The following MYBPC3 variants were observed in gnomAD, a reference collection of about 807,000 sequenced individuals.
MYBPC3 encodes myosin binding protein C3, also known as myosin-binding protein C, cardiac-type.
In MYBPC3, 108 loss-of-function variants were observed where a neutral mutation model predicts 159.3. The ratio of observed to expected loss-of-function variants is 0.68; its 90% CI spans 0.58 to 0.80. The LOEUF (loss-of-function observed/expected upper bound fraction) is 0.80, where lower values mean the gene tolerates loss of function less well. Ranked by LOEUF, MYBPC3 falls within the 30% of genes least tolerant of loss-of-function variation. The pLI, the probability that MYBPC3 is intolerant of heterozygous loss-of-function variation, is 0.00. For synonymous variants in MYBPC3, 730 were observed against 702.0 expected (o/e 1.04, Z -0.63); for missense variants, 1,631 against 1,762.1 (o/e 0.93, Z 1.33).
At chr11:47,348,926 A>ATATATATATATATT (rs1189066410) in intron 5 of MYBPC3, among the ~76,000 whole-genome samples, 2 of 131,314 alleles carry the variant, frequency 1.5e-5, no homozygotes, top group African/African-American at 5.5e-5. Flanking sequence ...ATATATATAT[A>ATATATATATATATT]TTTAAAGGAG....
rs748794011 is a variant in MYBPC3, at chr11:47,333,200, C to G, written c.3324G>C (p.Lys1108Asn). 1 of 1,602,414 alleles carries G rather than the reference C, an allele frequency of 6.2e-7. No individual in the cohort carries two copies. The highest frequency in any genetic ancestry group is 1.1e-5 in the South Asian group (1 of 88,602). The change falls in exon 30 of 35, where the codon AAG (lysine) becomes AAC (asparagine). Residue 1108 changes from lysine to asparagine, a missense_variant. By Grantham distance (94) the Lys-to-Asn change is moderately conservative. Transcript: ENST00000545968. ...WGYTVQKADK[K>N]TMEWFTVLEH... ...CCCCAGACCCTGGGCTCACCATGGTCTTCTTGTCGGCTTTCTGCACTGTGT... is the reference window on the plus strand; with the variant it reads ...CCCCAGACCCTGGGCTCACCATGGTGTTCTTGTCGGCTTTCTGCACTGTGT...
Position 47,333,910 on chromosome 11 carries a change from G to A in MYBPC3, c.2994+12C>T, listed in dbSNP as rs778129735. 1 of 1,564,870 alleles carries A rather than the reference G, an allele frequency of 6.4e-7. No homozygotes were observed. Among genetic ancestry groups the A allele is most frequent in the South Asian group, 1.2e-5 (1 of 85,078 alleles). ...CTCTCCCCTGGGGGACAGGGAAGGG[G>A]GCCAGTCCCACCTGGAAAGGGATGA... On this transcript the variant is annotated intron_variant, in intron 28 of 34. Transcript: ENST00000545968.
chr11:47,345,948 C>CTT (rs2095893624), intron 12 of MYBPC3, among the ~76,000 whole-genome samples: 1 of 152,120 alleles, frequency 6.6e-6, no homozygotes. Context: ...TTGCTCTTCT[C>CTT]TTCTATCTCT....
At chr11:47,340,932 G>T in intron 20 of MYBPC3, 71 bp downstream of exon 20, 19 of 1,430,428 alleles carry the variant, frequency 1.3e-5, no homozygotes, top group Non-Finnish European at 1.8e-5. Context: ...CTCTGTGAGT[G>T]GAGGGGAGGC....
intron 6 of MYBPC3, 91 bp from the exon 7 acceptor site, chr11:47,347,996 A>G: frequency 8.0e-7 from 1 of 1,251,384 alleles, no homozygotes. Flanking sequence ...GAGTATTCAC[A>G]GACTTGCCCA....
rs371312567 is a variant in MYBPC3, at chr11:47,350,117, G to A, written c.407-5C>T. 2.8e-5 allele frequency: 44 copies of A among 1,552,054 alleles called. No homozygotes were observed. In the African/African-American group the frequency reaches 3.8e-4, roughly 14 times the overall value. ...TGAGAGCTGCTGAGCTTGACCCTGT[G>A]AGCAAAGGCTTTTTCTGTTTGTTTG... On this transcript the variant is annotated splice_polypyrimidine_tract_variant and splice_region_variant and intron_variant, in intron 3 of 34. Transcript: ENST00000545968.
Position 47,331,703 on chromosome 11 carries a change from G to T in MYBPC3, c.*40C>A. The stretch of plus-strand genomic sequence containing the variant: ...CCTCCAGGCTCCTGGCACGGGGCTG[G>T]CATCCGGTTGTACCTGCAACACAGG... On this transcript the variant is annotated 3_prime_UTR_variant, in exon 35 of 35. Transcript: ENST00000545968. 2 of 872,402 alleles carry T rather than the reference G, an allele frequency of 2.3e-6. No individual in the cohort carries two copies. Among genetic ancestry groups the T allele is most frequent in the Non-Finnish European group, 3.4e-6 (2 of 585,876 alleles). The allele number at this position is 872,402 out of a possible 1,614,324, so 54.0% of individuals were successfully genotyped here.
chr11:47,351,531 C>T lies in MYBPC3; in HGVS notation c.26-26G>A, dbSNP rs777081710. ...CTGAAGGGCCAGGTGGAGGCTACAG[C>T]GGCCCCTGGTTGGAGCGTGCACCCC... is the stretch of plus-strand genomic sequence containing the variant. On this transcript the variant is annotated intron_variant, in intron 1 of 34. Coordinates refer to ENST00000545968, the MANE Select transcript of MYBPC3 (RefSeq NM_000256.3). The surrounding 1 kb of genome is among the most constrained non-coding windows in gnomAD (Gnocchi z 4.2). The T allele has an allele frequency of 1.1e-5, 17 of 1,556,930 alleles. No homozygotes were observed. Among genetic ancestry groups the T allele is most frequent in the South Asian group, 6.0e-5 (5 of 83,356 alleles).
At position 47,333,038 on chromosome 11, in the gene MYBPC3, C is replaced by T. The variant is rs1373480601; in HGVS notation, c.3331-65G>A. On this transcript the variant is annotated intron_variant, in intron 30 of 34. Coordinates refer to ENST00000545968, the MANE Select transcript of MYBPC3 (RefSeq NM_000256.3). The stretch of plus-strand genomic sequence containing the variant: ...CCCTTCCTGATGCCGAGAGCCTCTC[C>T]TGGGTGCCCTTGGCATCTCCACCCC... The T allele has an allele frequency of 1.9e-6, 3 of 1,554,122 alleles. No homozygotes were observed. In the African/African-American group the frequency reaches 4.1e-5, roughly 21 times the overall value.
chr11:47,343,538 C>T lies in MYBPC3; in HGVS notation c.1177G>A (p.Glu393Lys). 6.2e-7 allele frequency: 1 copy of T among 1,610,494 alleles called. No homozygotes were observed. Among genetic ancestry groups the T allele is most frequent in the South Asian group, 1.1e-5 (1 of 90,194 alleles). ...TGGCCATTCTTGAGCCATTTGACCT[C>T]AGCGTCATGGTCAGCCAGTTCCACG... ...LTVELADHDAEVKWLKNGQEI... is the reference protein window; with the variant it reads ...LTVELADHDAKVKWLKNGQEI... The change falls in exon 13 of 35, where the codon GAG (glutamate) becomes AAG (lysine). Residue 393 changes from glutamate to lysine, a missense_variant. Coordinates refer to ENST00000545968, the MANE Select transcript of MYBPC3 (RefSeq NM_000256.3).
rs727504656 is a variant in MYBPC3 at position 47,332,058 on chromosome 11, C to T, written c.3814+14G>A. The T allele has an allele frequency of 3.3e-5, 53 of 1,605,586 alleles. No homozygotes were observed. The highest frequency in any genetic ancestry group is 2.5e-4 in the South Asian group (23 of 90,650). On this transcript the variant is annotated intron_variant, in intron 33 of 34. Transcript: ENST00000545968. This position sits in a 1 kb window ranked among gnomAD's most constrained non-coding sequence, Gnocchi z 4.2. Reference sequence around the variant, plus strand: ...CTTCCCATCTCCCAGGCCCTGGCCCCGAGGGCTCCTCACCTCGCACCTCCA... The same window carrying T: ...CTTCCCATCTCCCAGGCCCTGGCCCTGAGGGCTCCTCACCTCGCACCTCCA...
rs368104687 is a variant in MYBPC3, at chr11:47,337,783, C to G, written c.2320G>C (p.Ala774Pro). ...LTVKVIDVPD[A>P]PAAPKISNVG... ...TTGCTGATCTTGGGGGCCGCAGGTG[C>G]GTCTGGCACGTCTGGATGGGGTGGG... Residue 774 changes from alanine (A) to proline (P), a missense_variant, in exon 24 of 35, where the codon GCA (alanine) becomes CCA (proline). Ala to Pro is a conservative substitution (Grantham distance 27). Transcript: ENST00000545968. 6.4e-7 allele frequency: 1 copy of G among 1,551,122 alleles called. No homozygotes were observed. The highest frequency in any genetic ancestry group is 2.0e-5 in the Admixed American group (1 of 51,026).
In MYBPC3 at chr11:47,335,173, T is replaced by C; in HGVS notation, c.2774A>G (p.Glu925Gly). The change falls in exon 27 of 35, where the codon GAG (glutamate) becomes GGG (glycine). Residue 925 changes from glutamate to glycine, a missense_variant. By Grantham distance (98) the Glu-to-Gly change is moderately conservative. Transcript: ENST00000545968. The stretch of plus-strand genomic sequence containing the variant: ...GTCCTTCACCAGTATCGATGTGTGC[T>C]CTGTCAGCCCCTGCAGGGCAGCCAC... ...EWVAALQGLT[E>G]HTSILVKDLP... 3 of 1,610,390 alleles carry C rather than the reference T, an allele frequency of 1.9e-6. No homozygotes were observed. The highest frequency in any genetic ancestry group is 2.5e-6 in the Non-Finnish European group (3 of 1,178,094).
intron 17 of MYBPC3, among the ~76,000 whole-genome samples, 171 bp from the exon 18 acceptor site, chr11:47,342,327 CACATAAGGAACCTCAAGTGT>C (rs1231957312): frequency 1.3e-5 from 2 of 152,242 alleles, no homozygotes; most frequent in Non-Finnish European, 2.9e-5. Flanking sequence ...TGGTGCAGTG[CACATAAGGAACCTCAAGTGT>C]CTGAGGGGTG....
intron 2 of MYBPC3, 150 bp from the exon 3 acceptor site, chr11:47,350,765 CT>C: frequency 7.9e-7 from 1 of 1,273,130 alleles, no homozygotes; most frequent in Non-Finnish European, 1.0e-6. Context: ...TCAGAGGCAG[CT>C]CATGCTGAGC....
chr11:47,332,726 C>T lies in MYBPC3; in HGVS notation c.3491-24G>A, dbSNP rs1174584152. The T allele has an allele frequency of 8.2e-6, 13 of 1,594,554 alleles. No individual in the cohort carries two copies. The highest frequency in any genetic ancestry group is 2.3e-5 in the South Asian group (2 of 88,872). ...GCCTGTTGGTGACAGGACTTGGTAC[C>T]GAGAGGGCCACACAAAGCTAGGCCC... On this transcript the variant is annotated intron_variant, in intron 31 of 34. Coordinates refer to ENST00000545968, the MANE Select transcript of MYBPC3 (RefSeq NM_000256.3). The surrounding 1 kb of genome is among the most constrained non-coding windows in gnomAD (Gnocchi z 4.2).
Position 47,332,406 on chromosome 11 carries a change from A to C in MYBPC3, c.3628-148T>G. On this transcript the variant is annotated intron_variant, in intron 32 of 34. Coordinates refer to ENST00000545968, the MANE Select transcript of MYBPC3 (RefSeq NM_000256.3). The surrounding 1 kb of genome is among the most constrained non-coding windows in gnomAD (Gnocchi z 4.2). ...AAGGCTGGAAACAAACATGGAACCAAGAGTGAGTACCATGGCCCTGCCCAG... is the reference window on the plus strand; with the variant it reads ...AAGGCTGGAAACAAACATGGAACCACGAGTGAGTACCATGGCCCTGCCCAG... 1 of 1,421,958 alleles carries C rather than the reference A, an allele frequency of 7.0e-7. No individual in the cohort carries two copies. Among genetic ancestry groups the C allele is most frequent in the South Asian group, 1.3e-5 (1 of 77,424 alleles). The allele number at this position is 1,421,958 out of a possible 1,614,324, so 88.1% of individuals were successfully genotyped here.
rs192751213 is a variant in MYBPC3 at position 47,341,435 on chromosome 11, C to T, written c.1791-191G>A. ...TTAATGTGCCTTCAGAGGTAGGCAG[C>T]GTAAAAGTGATTTCTACATCAAAGC... On this transcript the variant is annotated intron_variant, in intron 18 of 34. Transcript: ENST00000545968. 1.4e-3 allele frequency among the ~76,000 whole-genome samples: 217 copies of T among 152,334 alleles called. 2 individuals are homozygous for T. The highest frequency in any genetic ancestry group is 4.9e-3 in the African/African-American group (202 of 41,568).
chr11:47,341,016 G>A lies in MYBPC3; in HGVS notation c.1914C>T (p.Phe638=), dbSNP rs377227442. The part of the protein sequence containing the change: ...KLHFMEVKID[F]VPRQEPPKIH... Reference sequence around the variant, plus strand: ...CCCAAGACTTACCCTGCCTGGGTACGAAGTCAATCTTGACCTCTGCAAGAG... The same window carrying A: ...CCCAAGACTTACCCTGCCTGGGTACAAAGTCAATCTTGACCTCTGCAAGAG... Residue 638 remains phenylalanine (F), a synonymous_variant, in exon 20 of 35, where the codon TTC becomes TTT. Transcript: ENST00000545968. The A allele has an allele frequency of 2.4e-5, 38 of 1,570,026 alleles. No homozygotes were observed. In the Middle Eastern group the frequency reaches 8.3e-4, roughly 34 times the overall value.
Sources: gnomAD v4.1 joint callset for allele counts (sites outside exome capture counted in the v4.1 genomes callset) on GRCh38, gnomAD v4.1.1 for gene constraint, Gnocchi (gnomAD v3.1) non-coding constraint, MANE v1.5 for transcripts, NCBI Gene and HGNC (gene_info 2026-07-23, HGNC 2026-07-21) for gene names.